The following ACTA2 variants were observed in gnomAD, a reference collection of about 807,000 sequenced individuals.
ACTA2 encodes actin, aortic smooth muscle.
Under a neutral mutation model 39.5 loss-of-function variants are expected in ACTA2, and 12 were observed. That is an observed-to-expected ratio of 0.30 (90% CI 0.19 to 0.49). ACTA2 has a LOEUF of 0.49. Ranked by LOEUF, ACTA2 falls within the 20% of genes least tolerant of loss-of-function variation. The pLI is 0.99. For missense variants in ACTA2, 236 were observed against 498.8 expected (o/e 0.47, Z 5.02); for synonymous variants, 158 against 180.6 (o/e 0.88, Z 1.00).
chr10:88,939,329 C>A lies in ACTA2; in HGVS notation c.808+178G>T, dbSNP rs1845804550. The A allele has an allele frequency of 4.6e-5, 35 of 762,166 alleles. No homozygotes were observed. The East Asian group carries it at 9.2e-4, about 20-fold the overall frequency. 47.2% of individuals were successfully genotyped at this position (762,166 alleles called of 1,614,324 possible). A position where few individuals can be genotyped will look rare whatever the true frequency, so the allele number is the denominator to read the frequency against. On this transcript the variant is annotated intron_variant, in intron 7 of 8. Coordinates refer to ENST00000224784, the MANE Select transcript of ACTA2 (RefSeq NM_001613.4). The stretch of plus-strand genomic sequence containing the variant: ...GATAGTGTTTTCTTAGGAAGAAAAC[C>A]TTTTTCCTGGCCTCATTATGTCTTC...
At chr10:88,958,591 C>CAGGTAGT (rs1442054556) in intron 1 of ACTA2, among the ~76,000 whole-genome samples, 1 of 152,118 alleles carries the variant, frequency 6.6e-6, no homozygotes, top group Non-Finnish European at 1.5e-5. Context: ...AGGCTCCACC[C>CAGGTAGT]AGGTAGTAGG....
At chr10:88,965,847 G>A (rs1032084606) in intron 1 of ACTA2, among the ~76,000 whole-genome samples, 5 of 152,150 alleles carry the variant, frequency 3.3e-5, no homozygotes, top group South Asian at 2.1e-4. Context: ...ATTGATCACC[G>A]TAATGACTAA....
intron 1 of ACTA2, among the ~76,000 whole-genome samples, chr10:88,958,988 C>T (rs1846184751): frequency 6.6e-6 from 1 of 152,264 alleles, no homozygotes; most frequent in East Asian, 1.9e-4. Context: ...CTCTTCCTTT[C>T]AGAAGCCTTT....
chr10:88,963,243 T>G (rs1846266230), intron 1 of ACTA2, among the ~76,000 whole-genome samples: 1 of 151,678 alleles, frequency 6.6e-6, no homozygotes, highest in South Asian at 2.1e-4. Context: ...CTGGGAAGCT[T>G]TTGAGCAGCA....
chr10:88,938,923 C>T (rs1362436884), intron 7 of ACTA2, among the ~76,000 whole-genome samples: 1 of 152,186 alleles, frequency 6.6e-6, no homozygotes, highest in African/African-American at 2.4e-5. Flanking sequence ...AGGCAGTGGG[C>T]TAAGTGCTCT....
Position 88,983,632 on chromosome 10 carries a change from A to T in ACTA2, c.-24+7307T>A, listed in dbSNP as rs796251787. ...TGCAAAAAAAAAAAAAAAAAAAAAA[A>T]AAAAAAACACACACACACACACACA... On this transcript the variant is annotated intron_variant, in intron 1 of 4. Transcript: ENST00000415557. 7.2e-4 allele frequency among the ~76,000 whole-genome samples: 103 copies of T among 142,862 alleles called. 1 individual carries two copies. Among genetic ancestry groups the T allele is most frequent in the African/African-American group, 2.7e-3 (101 of 37,696 alleles). 93.7% of individuals were successfully genotyped at this position (142,862 alleles called of 152,430 possible).
chr10:88,975,423 T>G (rs1846540190), intron 1 of ACTA2, among the ~76,000 whole-genome samples: 1 of 152,222 alleles, frequency 6.6e-6, no homozygotes, highest in South Asian at 2.1e-4. Context: ...AAGTGTTTGT[T>G]TTTTTCTTAT....
chr10:88,946,859 A>G (rs1845958184), intron 3 of ACTA2: 1 of 213,666 alleles, frequency 4.7e-6, no homozygotes, highest in African/African-American at 2.3e-5. Flanking sequence ...CGTCATTTAC[A>G]TTAGGTATAT....
At chr10:88,965,022 G>A (rs575815566) in intron 1 of ACTA2, among the ~76,000 whole-genome samples, 255 of 152,178 alleles carry the variant, frequency 1.7e-3, no homozygotes, top group Non-Finnish European at 2.9e-3. Context: ...TTCCAGAGCC[G>A]GGGATAGCTT....
intron 1 of ACTA2, among the ~76,000 whole-genome samples, chr10:88,967,483 A>C (rs1846340175): frequency 6.6e-6 from 1 of 152,160 alleles, no homozygotes; most frequent in South Asian, 2.1e-4. Flanking sequence ...TGGAATACTG[A>C]ATTCTGGTGA....
At position 88,935,207 on chromosome 10, in the gene ACTA2, G is replaced by A. The variant is rs202020476; in HGVS notation, c.*16C>T. ...CACAGTTGTGTGCTAGAGACAGAGAGGAGCAGGAAAGTGTTTTAGAAGCAT... is the reference window on the plus strand; with the variant it reads ...CACAGTTGTGTGCTAGAGACAGAGAAGAGCAGGAAAGTGTTTTAGAAGCAT... On this transcript the variant is annotated 3_prime_UTR_variant, in exon 9 of 9. Transcript: ENST00000224784. 3 of 1,612,238 alleles carry A rather than the reference G, an allele frequency of 1.9e-6. No homozygotes were observed. The East Asian group carries it at 6.7e-5, about 36-fold the overall frequency.
rs781677949 is a variant in ACTA2, at chr10:88,990,940, C to T, written c.-25G>A. The T allele has an allele frequency of 5.6e-5, 90 of 1,613,944 alleles. No individual in the cohort carries two copies. The South Asian group carries it at 9.1e-4, about 16-fold the overall frequency. ...TCTCCTGCCCGGGTGGAGGCTTACC[C>T]CGTCTTAGTCCCGGGGATAGGCAAA... On this transcript the variant is annotated splice_region_variant and 5_prime_UTR_variant, in exon 1 of 5. Coordinates refer to the ACTA2 transcript ENST00000415557. This position sits in a 1 kb window ranked among gnomAD's most constrained non-coding sequence, Gnocchi z 4.9.
rs542837047 is a variant in ACTA2, at chr10:88,948,457, T to C, written c.129+345A>G. 1.8e-4 allele frequency: 53 copies of C among 295,954 alleles called. No homozygotes were observed. In the Middle Eastern group the frequency reaches 3.5e-3, roughly 19 times the overall value. 18.3% of individuals were successfully genotyped at this position (295,954 alleles called of 1,614,324 possible). ...GGTTAAGTGACCTGGACTTTTATTT[T>C]AGTTTCTTTCCAAACAGTAGCTTTG... On this transcript the variant is annotated intron_variant, in intron 2 of 8. Coordinates refer to ENST00000224784, the MANE Select transcript of ACTA2 (RefSeq NM_001613.4).
At chr10:88,971,751 T>G (rs145323726) in intron 1 of ACTA2, among the ~76,000 whole-genome samples, 4 of 152,280 alleles carry the variant, frequency 2.6e-5, no homozygotes, top group African/African-American at 9.6e-5. Flanking sequence ...AATATCCCTC[T>G]TTTTGTCCTT....
In ACTA2 at chr10:88,990,948, G is replaced by C. The variant is rs1383259545; in HGVS notation, c.-33C>G. The C allele has an allele frequency of 1.2e-6, 2 of 1,613,878 alleles. No homozygotes were observed. The highest frequency in any genetic ancestry group is 1.3e-5 in the African/African-American group (1 of 74,932). ...CCGGGTGGAGGCTTACCCCGTCTTA[G>C]TCCCGGGGATAGGCAAAGTGGGGCG... On this transcript the variant is annotated 5_prime_UTR_variant, in exon 1 of 5. Transcript: ENST00000415557. The surrounding 1 kb of genome is among the most constrained non-coding windows in gnomAD (Gnocchi z 4.9).
chr10:88,962,961 ATATATATATATATAT>A (rs1846258087), intron 1 of ACTA2, among the ~76,000 whole-genome samples: 2 of 37,114 alleles, frequency 5.4e-5, no homozygotes, highest in African/African-American at 3.5e-4. Context: ...ATATATATAT[ATATATATATATATAT>A]AATATTTTTT....
Position 88,990,805 on chromosome 10 carries a change from C to T in ACTA2, c.-24+134G>A. ...CTGCCCAGGCGGAGCTGCCTCTTCT[C>T]CCGCGGGTTGGTGGACCCGCTCAGT... On this transcript the variant is annotated intron_variant, in intron 1 of 4. Coordinates refer to the ACTA2 transcript ENST00000415557. This position sits in a 1 kb window ranked among gnomAD's most constrained non-coding sequence, Gnocchi z 4.9. The T allele has an allele frequency of 1.2e-6, 2 of 1,605,572 alleles. No individual in the cohort carries two copies. The highest frequency in any genetic ancestry group is 8.5e-7 in the Non-Finnish European group (1 of 1,172,428).
At position 88,947,298 on chromosome 10, in the gene ACTA2, A is replaced by G; in HGVS notation, c.218T>C (p.Ile73Thr). The G allele has an allele frequency of 1.2e-6, 2 of 1,613,960 alleles. No homozygotes were observed. Among genetic ancestry groups the G allele is most frequent in the African/African-American group, 1.3e-5 (1 of 75,016 alleles). ...KRGILTLKYP[I>T]EHGIITNWDD... ...CCAGTTGGTGATGATGCCATGTTCT[A>G]TCGGGTACTTCAGGGTCAGGATTCC... The change falls in exon 3 of 9, where the codon ATA becomes ACA. Residue 73 changes from isoleucine to threonine, a missense_variant. Transcript: ENST00000224784.
chr10:88,966,157 G>A (rs1846314488), intron 1 of ACTA2, among the ~76,000 whole-genome samples: 1 of 152,200 alleles, frequency 6.6e-6, no homozygotes, highest in Non-Finnish European at 1.5e-5. Flanking sequence ...GAGCCACACA[G>A]AAGCACTTGG....
Sources: gnomAD v4.1 joint callset for allele counts (sites outside exome capture counted in the v4.1 genomes callset) on GRCh38, gnomAD v4.1.1 for gene constraint, Gnocchi (gnomAD v3.1) non-coding constraint, MANE v1.5 for transcripts, NCBI Gene and HGNC (gene_info 2026-07-23, HGNC 2026-07-21) for gene names.